The following PCDHA6 variants were observed in gnomAD, a reference collection of about 807,000 sequenced individuals.
The protein encoded by PCDHA6 is protocadherin alpha 6.
Under a neutral mutation model 60.3 loss-of-function variants are expected in PCDHA6, and 55 were observed. That is an observed-to-expected ratio of 0.91 (90% confidence interval 0.73 to 1.14). The LOEUF is 1.14. Among genes scored for constraint, PCDHA6 ranks in the 50% most tolerant of loss-of-function variants. The pLI is 0.00. For missense variants in PCDHA6, 1,327 were observed against 1,256.5 expected, an observed-to-expected ratio of 1.06 and a Z score of -0.85; for synonymous variants, 652 against 557.9, an observed-to-expected ratio of 1.17 and a Z score of -2.38.
chr5:140,942,435 A>G (rs1258382123), intron 1 of PCDHA6, among the ~76,000 whole-genome samples: 2 of 152,114 alleles, frequency 1.3e-5, no homozygotes, highest in East Asian at 3.9e-4. Flanking sequence ...ATCTAACAAT[A>G]AACAAGTAAA....
intron 1 of PCDHA6, among the ~76,000 whole-genome samples, chr5:140,913,412 T>G (rs2076324998): frequency 6.6e-6 from 1 of 152,222 alleles, no homozygotes; most frequent in African/African-American, 2.4e-5. Context: ...TTTGAATTCC[T>G]GCAGTATCAG....
chr5:140,870,852 G>A lies in PCDHA6; in HGVS notation c.2394+40367G>A, dbSNP rs782301779. 4.3e-6 allele frequency: 7 copies of A among 1,613,862 alleles called. No individual in the cohort carries two copies. In the Admixed American group the frequency reaches 1.0e-4, roughly 23 times the overall value. ...CAGTTAACAAGCTAGTACCGCGGTCGGTGGGTGCGGGCCACGTGGTGGCGA... is the reference window on the plus strand; with the variant it reads ...CAGTTAACAAGCTAGTACCGCGGTCAGTGGGTGCGGGCCACGTGGTGGCGA... On this transcript the variant is annotated intron_variant, in intron 1 of 3. Transcript: ENST00000529310.
intron 1 of PCDHA6, among the ~76,000 whole-genome samples, chr5:140,885,665 G>A (rs2060682140): frequency 6.6e-6 from 1 of 152,114 alleles, no homozygotes; most frequent in Non-Finnish European, 1.5e-5. Flanking sequence ...CCAGTTATGA[G>A]CACTCTTTCT....
chr5:140,967,023 G>A, intron 1 of PCDHA6: 1 of 1,608,160 alleles, frequency 6.2e-7, no homozygotes, highest in South Asian at 1.1e-5. Context: ...GGTGCGCCCA[G>A]TCCGCGCTAC....
chr5:140,918,955 T>G lies in PCDHA6; in HGVS notation c.2395-59994T>G, dbSNP rs904506594. Among the ~76,000 whole-genome samples, 3 of 152,258 alleles carry G rather than the reference T, an allele frequency of 2.0e-5. 1 individual carries two copies. Among genetic ancestry groups the G allele is most frequent in the African/African-American group, 7.2e-5 (3 of 41,472 alleles). ...TTTTGTTATAATATCCTGAACAGAC[T>G]AAGACAGATATCGTTTAGGTTAGTT... On this transcript the variant is annotated intron_variant, in intron 1 of 3. Transcript: ENST00000529310.
At chr5:140,879,229 T>C (rs1415984062) in intron 1 of PCDHA6, among the ~76,000 whole-genome samples, 2 of 152,102 alleles carry the variant, frequency 1.3e-5, no homozygotes, top group African/African-American at 2.4e-5. Context: ...AAAAGACATA[T>C]ACAAGAGGCA....
In PCDHA6 at chr5:141,010,195, C is replaced by G. The variant is rs753472247; in HGVS notation, c.*258C>G. 6.4e-7 allele frequency: 1 copy of G among 1,552,256 alleles called. No homozygotes were observed. The highest frequency in any genetic ancestry group is 8.7e-7 in the Non-Finnish European group (1 of 1,147,132). Reference sequence around the variant, plus strand: ...TAAAAAGCAGACCCAAGTTTCCTTTCTCCTCCGCCGCAAAGGAGAGGCTTC... The same window carrying G: ...TAAAAAGCAGACCCAAGTTTCCTTTGTCCTCCGCCGCAAAGGAGAGGCTTC... On this transcript the variant is annotated 3_prime_UTR_variant, in exon 4 of 4. Coordinates refer to ENST00000529310, the MANE Select transcript of PCDHA6 (RefSeq NM_018909.4).
intron 1 of PCDHA6, chr5:140,968,434 C>T: frequency 6.8e-6 from 11 of 1,613,948 alleles, no homozygotes; most frequent in Non-Finnish European, 8.5e-6. Flanking sequence ...ACAAGGGGAG[C>T]CCACCACTGA....
At chr5:140,965,109 C>T (rs940351305) in intron 1 of PCDHA6, among the ~76,000 whole-genome samples, 3 of 152,168 alleles carry the variant, frequency 2.0e-5, no homozygotes, top group African/African-American at 7.2e-5. Context: ...GAAAATGACC[C>T]ATAGAGGAAG....
rs1237293055 is a variant in PCDHA6 at position 140,848,212 on chromosome 5, G to T, written c.2394+17727G>T. ...TTCTGTTTCAACAATCATTACTTAA[G>T]AAAAAATTAAGAAAATGAAATAAGT... On this transcript the variant is annotated intron_variant, in intron 1 of 3. Transcript: ENST00000529310. The T allele has an allele frequency of 5.6e-6, 2 of 355,864 alleles. 1 individual carries two copies. Among genetic ancestry groups the T allele is most frequent in the Non-Finnish European group, 1.0e-5 (2 of 196,396 alleles). The allele number at this position is 355,864 out of a possible 1,614,324, so 22.0% of individuals were successfully genotyped here.
chr5:140,847,411 A>G (rs1333406263), intron 1 of PCDHA6: 4 of 149,582 alleles, frequency 2.7e-5, no homozygotes, highest in African/African-American at 9.8e-5. Context: ...ATAAACACTC[A>G]CGGTTTTGCC....
Position 140,841,407 on chromosome 5 carries a change from G to A in PCDHA6, c.2394+10922G>A, listed in dbSNP as rs2150314809. On this transcript the variant is annotated intron_variant, in intron 1 of 3. Transcript: ENST00000529310. ...CTCGCAGCCTGGAAGGTGGGGAGCG[G>A]CCAGCTCCACTACTCCGTCCCCGAG... 14 of 1,613,104 alleles carry A rather than the reference G, an allele frequency of 8.7e-6. No individual in the cohort carries two copies. In the South Asian group the frequency reaches 1.5e-4, roughly 18 times the overall value.
chr5:140,956,749 G>A (rs1179471294), intron 1 of PCDHA6, among the ~76,000 whole-genome samples: 5 of 152,144 alleles, frequency 3.3e-5, no homozygotes, highest in African/African-American at 1.2e-4. Context: ...ACCTCTGATA[G>A]AATTCAGCTG....
At chr5:140,836,479 A>G (rs782130761) in intron 1 of PCDHA6, 4 of 1,613,680 alleles carry the variant, frequency 2.5e-6, no homozygotes, top group Admixed American at 1.7e-5. Flanking sequence ...GTCAACGTGT[A>G]CCTGATCATC....
intron 1 of PCDHA6, among the ~76,000 whole-genome samples, chr5:140,891,121 T>C (rs74535477): frequency 0.041 from 6,261 of 152,308 alleles, 144 homozygotes; most frequent in Middle Eastern, 0.061. Context: ...TCAATCTAAA[T>C]GTCATTCCTT....
intron 1 of PCDHA6, among the ~76,000 whole-genome samples, chr5:140,936,121 G>C (rs1381895785): frequency 6.6e-6 from 1 of 152,068 alleles, no homozygotes; most frequent in Non-Finnish European, 1.5e-5. Flanking sequence ...TCGAACTCCT[G>C]ACCTTAAGTG....
intron 1 of PCDHA6, among the ~76,000 whole-genome samples, chr5:140,845,925 A>T (rs1435379757): frequency 6.7e-6 from 1 of 149,798 alleles, no homozygotes; most frequent in African/African-American, 2.4e-5. Context: ...ATTTTTGTGT[A>T]AAACTATCTT....
rs1554132317 is a variant in PCDHA6, at chr5:140,829,840, G to A, written c.1749G>A (p.Arg583=). ...TGGAVSELVP[R]SLGAGQVVAK... is the part of the protein sequence containing the mutation. ...GTGCAGTGAGCGAGCTGGTGCCGCG[G>A]TCACTGGGTGCAGGCCAAGTGGTGG... is the stretch of plus-strand genomic sequence containing the variant. Residue 583 remains arginine, a synonymous_variant, in exon 1 of 4, where the codon CGG becomes CGA. Coordinates refer to ENST00000529310, the MANE Select transcript of PCDHA6 (RefSeq NM_018909.4). 3 of 1,613,938 alleles carry A rather than the reference G, an allele frequency of 1.9e-6. No individual in the cohort carries two copies. Among genetic ancestry groups the A allele is most frequent in the Non-Finnish European group, 2.5e-6 (3 of 1,179,890 alleles).
intron 1 of PCDHA6, chr5:140,883,655 T>C (rs782178754): frequency 6.2e-7 from 1 of 1,613,114 alleles, no homozygotes; most frequent in Non-Finnish European, 8.5e-7. Context: ...GTACACGGTG[T>C]TCGTGAAGGA....
Sources: gnomAD v4.1 joint callset for allele counts (sites outside exome capture counted in the v4.1 genomes callset) on GRCh38, gnomAD v4.1.1 for gene constraint, MANE v1.5 for transcripts, NCBI Gene and HGNC (gene_info 2026-07-23, HGNC 2026-07-21) for gene names.